DNAH17: variants seen among roughly 807,000 people sequenced by gnomAD.
The protein encoded by DNAH17 is axonemal beta dynein heavy chain 17.
A neutral mutation model predicts 485.6 loss-of-function variants in DNAH17; 376 were observed. The observed-to-expected ratio is 0.77, with a 90% CI of 0.71 to 0.84. The LOEUF is 0.84. DNAH17 is among the 40% of genes least tolerant of loss of function. DNAH17 has a pLI of 0.00. For missense variants in DNAH17, 6,370 were observed against 5,839.3 expected, an observed-to-expected ratio of 1.09 and a Z score of -2.96; for synonymous variants, 3,031 against 2,405.9, an observed-to-expected ratio of 1.26 and a Z score of -7.60.
At chr17:78,572,464 A>T (rs1299933826) in intron 3 of DNAH17, among the ~76,000 whole-genome samples, 1 of 152,058 alleles carries the variant, frequency 6.6e-6, no homozygotes, top group Non-Finnish European at 1.5e-5. Context: ...TGTGGGGTGC[A>T]GGTGCCAGAG....
In DNAH17 at chr17:78,529,606, C is replaced by G. The variant is rs768428405; in HGVS notation, c.3373G>C (p.Val1125Leu). Reference sequence around the variant, plus strand: ...TTGACTTTCATCAGGTGCCCCATCACCTCCACAAGCCCATCATAGTCCCCC... The same window carrying G: ...TTGACTTTCATCAGGTGCCCCATCAGCTCCACAAGCCCATCATAGTCCCCC... ...KEGDYDGLVE[V>L]MGHLMKVKER... The change falls in exon 22 of 81, where the codon GTG (valine) becomes CTG (leucine). Residue 1125 changes from valine (V) to leucine (L), a missense_variant. By Grantham distance (32) the Val-to-Leu change is conservative. Coordinates refer to ENST00000389840, the MANE Select transcript of DNAH17 (RefSeq NM_173628.4). The G allele has an allele frequency of 2.5e-6, 4 of 1,613,998 alleles. No homozygotes were observed. The highest frequency in any genetic ancestry group is 3.4e-6 in the Non-Finnish European group (4 of 1,179,884).
intron 30 of DNAH17, among the ~76,000 whole-genome samples, chr17:78,506,004 A>AT (rs2090473430): frequency 6.6e-6 from 1 of 151,778 alleles, no homozygotes; most frequent in South Asian, 2.1e-4. Flanking sequence ...AATAAATAAG[A>AT]TTTCTTCTTT....
chr17:78,484,705 G>A (rs986799290), intron 48 of DNAH17, 163 bp downstream of exon 48: 1 of 429,052 alleles, frequency 2.3e-6, no homozygotes, highest in Non-Finnish European at 3.9e-6. Context: ...TGGGGGCCCA[G>A]CTACGACCCG....
At chr17:78,433,569 C>T (rs771319357) in intron 75 of DNAH17, among the ~76,000 whole-genome samples, 5 of 152,142 alleles carry the variant, frequency 3.3e-5, no homozygotes, top group African/African-American at 1.2e-4. Flanking sequence ...TTTTGTCCCT[C>T]CTGCTCCAAA....
In DNAH17 at chr17:78,569,170, A is replaced by G. The variant is rs2092313537; in HGVS notation, c.1280T>C (p.Ile427Thr). 6.2e-7 allele frequency: 1 copy of G among 1,600,214 alleles called. No individual in the cohort carries two copies. Among genetic ancestry groups the G allele is most frequent in the South Asian group, 1.1e-5 (1 of 88,336 alleles). The change falls in exon 9 of 81, where the codon ATT (isoleucine) becomes ACT (threonine). Residue 427 changes from isoleucine to threonine, a missense_variant. Ile to Thr is a moderately conservative substitution (Grantham distance 89). Transcript: ENST00000389840. The part of the protein sequence containing the change: ...INSFFQRIQT[I>T]EELYKTAIEF... Reference sequence around the variant, plus strand: ...TGCACCGAGTTCTGTTTTTACCTCAATGGTCTGGATGCGCTGGAAGAAGGA... The same window carrying G: ...TGCACCGAGTTCTGTTTTTACCTCAGTGGTCTGGATGCGCTGGAAGAAGGA...
rs375265574 is a variant in DNAH17, at chr17:78,514,811, C to T, written c.4076G>A (p.Arg1359Gln). 5 of 1,613,854 alleles carry T rather than the reference C, an allele frequency of 3.1e-6. No individual in the cohort carries two copies. The highest frequency in any genetic ancestry group is 1.7e-5 in the Admixed American group (1 of 59,996). ...AVSELQNPAIRERHWQQLMQA... is the reference protein window; with the variant it reads ...AVSELQNPAIQERHWQQLMQA... ...CATGAGCTGCTGCCAGTGGCGTTCC[C>T]GAATGGCAGGGTTCTGCAGCTCGCT... is the stretch of plus-strand genomic sequence containing the variant. Residue 1359 changes from arginine (R) to glutamine (Q), a missense_variant, in exon 26 of 81, where the codon CGG becomes CAG. By Grantham distance (43) the Arg-to-Gln change is conservative. Transcript: ENST00000389840.
chr17:78,458,859 C>A, intron 61 of DNAH17, 142 bp downstream of exon 61: 1 of 1,087,386 alleles, frequency 9.2e-7, no homozygotes. Context: ...CATCTGGCCC[C>A]TGCCTCTGCC....
In DNAH17 at chr17:78,574,837, G is replaced by C. The variant is rs762761598; in HGVS notation, c.221C>G (p.Ser74Cys). Residue 74 changes from serine (S) to cysteine (C), a missense_variant, in exon 2 of 81, where the codon TCC becomes TGC. Physicochemically the swap from Ser to Cys is moderately radical, Grantham distance 112. Transcript: ENST00000389840. ...PCLGFPQSLK[S>C]KGVYFIKTKS... ...TGTCTTGATGAAGTAAACCCCTTTG[G>C]ACTTGAGGGACTGGGGGAAGCCCAG... 3 of 1,614,002 alleles carry C rather than the reference G, an allele frequency of 1.9e-6. No homozygotes were observed. Among genetic ancestry groups the C allele is most frequent in the Non-Finnish European group, 1.7e-6 (2 of 1,179,898 alleles).
At position 78,476,749 on chromosome 17, in the gene DNAH17, G is replaced by A. The variant is rs184350708; in HGVS notation, c.7993-16C>T. ...ATAAGAGTCCCTGCCCCAAACACAG[G>A]ATGATCAGCACCGTCAGCTGTTACG... On this transcript the variant is annotated splice_polypyrimidine_tract_variant and intron_variant, in intron 51 of 80. Coordinates refer to ENST00000389840, the MANE Select transcript of DNAH17 (RefSeq NM_173628.4). 668 of 1,609,262 alleles carry A rather than the reference G, an allele frequency of 4.2e-4. 2 individuals are homozygous for A. In the African/African-American group the frequency reaches 7.7e-3, roughly 18 times the overall value.
intron 1 of DNAH17, among the ~76,000 whole-genome samples, chr17:78,575,600 A>G (rs1024068992): frequency 2.0e-5 from 3 of 152,138 alleles, no homozygotes; most frequent in African/African-American, 7.2e-5. Context: ...GTGCACCTTA[A>G]CTTTCACTCT....
chr17:78,570,025 G>A (rs549173432), intron 7 of DNAH17, among the ~76,000 whole-genome samples: 12 of 152,248 alleles, frequency 7.9e-5, no homozygotes, highest in African/African-American at 1.9e-4. Context: ...CTCCTCCTCT[G>A]TCCCCGTCTT....
intron 25 of DNAH17, among the ~76,000 whole-genome samples, chr17:78,524,259 T>C (rs1254871497): frequency 6.6e-6 from 1 of 152,162 alleles, no homozygotes; most frequent in African/African-American, 2.4e-5. Flanking sequence ...TACCTCAGCT[T>C]CCCGAGTAGC....
At chr17:78,457,389 CAAAACAAAAA>C (rs2087856125) in intron 62 of DNAH17, among the ~76,000 whole-genome samples, 1 of 151,666 alleles carries the variant, frequency 6.6e-6, no homozygotes, top group Admixed American at 6.6e-5. Context: ...CAAAACAAAA[CAAAACAAAAA>C]AACAAAAAAA....
At chr17:78,503,069 T>C in intron 31 of DNAH17, 58 bp from the exon 32 acceptor site, 1 of 1,532,398 alleles carries the variant, frequency 6.5e-7, no homozygotes, top group Non-Finnish European at 8.8e-7. Flanking sequence ...CTAGTTCCAA[T>C]AATTTTGTTT....
Position 78,463,086 on chromosome 17 carries a change from A to G in DNAH17, c.8941-9T>C, listed in dbSNP as rs2088222032. On this transcript the variant is annotated splice_polypyrimidine_tract_variant and intron_variant, in intron 56 of 80. Coordinates refer to ENST00000389840, the MANE Select transcript of DNAH17 (RefSeq NM_173628.4). ...GAGGCCTTGACTTCCCACTACAAAG[A>G]TGAGACAGCCAGTCATCCCTGGGAC... The G allele has an allele frequency of 1.9e-6, 3 of 1,612,586 alleles. No individual in the cohort carries two copies. The highest frequency in any genetic ancestry group is 2.5e-6 in the Non-Finnish European group (3 of 1,178,972).
intron 42 of DNAH17, 104 bp from the exon 43 acceptor site, chr17:78,491,674 C>T: frequency 3.4e-6 from 5 of 1,478,124 alleles, no homozygotes; most frequent in Non-Finnish European, 4.5e-6. Context: ...AGCCTGTCCC[C>T]TACTTCAGAG....
intron 76 of DNAH17, 41 bp downstream of exon 76, chr17:78,429,080 C>A: frequency 1.3e-6 from 2 of 1,538,502 alleles, no homozygotes; most frequent in Non-Finnish European, 1.8e-6. Flanking sequence ...GAGGCACGAG[C>A]CTTCATTACG....
chr17:78,532,728 C>CAGG lies in DNAH17; in HGVS notation c.2865_2867dup (p.Leu956dup). On this transcript the variant is annotated inframe_insertion, in exon 20 of 81. Transcript: ENST00000389840. ...TCTCTATGAGGTCTGTGTTATCTTC[C>CAGG]AGGTCCATCTGAAAGGGGCAGGGGA... The CAGG allele has an allele frequency of 6.3e-7, 1 of 1,591,498 alleles. No individual in the cohort carries two copies. Among genetic ancestry groups the CAGG allele is most frequent in the South Asian group, 1.1e-5 (1 of 87,570 alleles).
chr17:78,486,229 C>G lies in DNAH17; in HGVS notation c.7096G>C (p.Asp2366His), dbSNP rs1568134341. 6.3e-6 allele frequency: 10 copies of G among 1,588,264 alleles called. No individual in the cohort carries two copies. The highest frequency in any genetic ancestry group is 8.6e-6 in the Non-Finnish European group (10 of 1,164,578). ...FWAFGGAMFQ[D>H]QLVDYRVEFS... ...GGGCCCCCCAGGTGCATCACCTGGT[C>G]CTGGAACATGGCGCCACCGAAGGCC... is the stretch of plus-strand genomic sequence containing the variant. The change falls in exon 45 of 81, where the codon GAC (aspartate) becomes CAC (histidine). Residue 2366 changes from aspartate to histidine, a missense_variant. Asp to His is a moderately conservative substitution (Grantham distance 81). Coordinates refer to ENST00000389840, the MANE Select transcript of DNAH17 (RefSeq NM_173628.4).
Sources: allele counts gnomAD v4.1 joint callset (sites outside exome capture counted in the v4.1 genomes callset), GRCh38; gene constraint gnomAD v4.1.1; transcripts MANE v1.5; gene names NCBI Gene and HGNC (gene_info 2026-07-23, HGNC 2026-07-21).